RGS20: variants seen among roughly 807,000 people sequenced by gnomAD.
The protein encoded by RGS20 is regulator of G protein signaling 20.
Under a neutral mutation model 33.6 loss-of-function variants are expected in RGS20, and 30 were observed. That is an observed-to-expected ratio of 0.89 (90% CI 0.67 to 1.21). The LOEUF (loss-of-function observed/expected upper bound fraction) is 1.21, where lower values mean the gene tolerates loss of function less well. Ranked by LOEUF, RGS20 falls within the 50% of genes most tolerant of loss-of-function variation. RGS20 has a pLI of 0.00. For missense variants in RGS20, 472 were observed against 502.4 expected (o/e 0.94, Z 0.58); for synonymous variants, 208 against 197.9 (o/e 1.05, Z -0.43).
At chr8:53,954,516 T>C (rs1427062984) in intron 5 of RGS20, among the ~76,000 whole-genome samples, 1 of 151,092 alleles carries the variant, frequency 6.6e-6, no homozygotes, top group African/African-American at 2.4e-5. Context: ...ATACAAAAAT[T>C]AGCCTGGTGT....
chr8:53,931,241 TGTG>T (rs1324790616), intron 2 of RGS20, among the ~76,000 whole-genome samples: 1 of 152,128 alleles, frequency 6.6e-6, no homozygotes, highest in Non-Finnish European at 1.5e-5. Flanking sequence ...GGGTCTTTCT[TGTG>T]GTCCTGAAAC....
intron 1 of RGS20, among the ~76,000 whole-genome samples, chr8:53,866,271 T>C (rs754802647): frequency 4.6e-5 from 7 of 152,082 alleles, no homozygotes; most frequent in Non-Finnish European, 7.4e-5. Context: ...AGAGTACACA[T>C]CAGCAAATCG....
intron 2 of RGS20, among the ~76,000 whole-genome samples, chr8:53,903,722 A>G (rs1305625274): frequency 6.6e-6 from 1 of 152,104 alleles, no homozygotes; most frequent in Non-Finnish European, 1.5e-5. Flanking sequence ...ACTCACCCTA[A>G]AGCCAGGTCC....
intron 1 of RGS20, among the ~76,000 whole-genome samples, chr8:53,874,173 C>T (rs1483539): frequency 0.079 from 11,929 of 151,932 alleles, 999 homozygotes; most frequent in East Asian, 0.32. Flanking sequence ...AGCAAGACTC[C>T]GTCTCAGAAA....
At chr8:53,949,444 C>T (rs1023117320) in intron 4 of RGS20, among the ~76,000 whole-genome samples, 6 of 151,574 alleles carry the variant, frequency 4.0e-5, no homozygotes, top group African/African-American at 9.7e-5. Context: ...TGGGTGGGCA[C>T]GGTGGCTCAC....
At chr8:53,937,143 G>C (rs1814157880) in intron 2 of RGS20, among the ~76,000 whole-genome samples, 1 of 152,122 alleles carries the variant, frequency 6.6e-6, no homozygotes, top group South Asian at 2.1e-4. Context: ...GCCTGTCGTG[G>C]AGTTGGGGGG....
chr8:53,897,421 A>G (rs185193767), intron 2 of RGS20, among the ~76,000 whole-genome samples: 63 of 152,328 alleles, frequency 4.1e-4, no homozygotes, highest in Non-Finnish European at 8.2e-4. Context: ...TTTAGGGGCA[A>G]TGGTAGGAAG....
At chr8:53,861,843 C>T (rs1811814820) in intron 1 of RGS20, among the ~76,000 whole-genome samples, 1 of 152,162 alleles carries the variant, frequency 6.6e-6, no homozygotes, top group Admixed American at 6.5e-5. Flanking sequence ...AATACCTGCA[C>T]CTGATTATTT....
chr8:53,861,975 C>G (rs905456432), intron 1 of RGS20, among the ~76,000 whole-genome samples: 1 of 152,166 alleles, frequency 6.6e-6, no homozygotes, highest in Non-Finnish European at 1.5e-5. Context: ...TTTGGGGGGG[C>G]CAACCATTGC....
chr8:53,933,846 G>A (rs1189632335), intron 2 of RGS20: 1 of 152,106 alleles, frequency 6.6e-6, no homozygotes, highest in Middle Eastern at 3.1e-3. Context: ...AAATGTTAAG[G>A]GCAGCCAGAG....
intron 1 of RGS20, among the ~76,000 whole-genome samples, chr8:53,859,819 A>C (rs1811770011): frequency 6.6e-6 from 1 of 152,156 alleles, no homozygotes; most frequent in Non-Finnish European, 1.5e-5. Context: ...GTGCAGGGGG[A>C]CTGCCCTTTA....
At chr8:53,949,364 T>C (rs1814646138) in intron 4 of RGS20, among the ~76,000 whole-genome samples, 1 of 148,944 alleles carries the variant, frequency 6.7e-6, no homozygotes, top group Non-Finnish European at 1.5e-5. Flanking sequence ...CATTTGAAAA[T>C]ATATATCCTT....
At chr8:53,897,668 G>A (rs770867369) in intron 2 of RGS20, among the ~76,000 whole-genome samples, 16 of 151,702 alleles carry the variant, frequency 1.1e-4, no homozygotes, top group African/African-American at 1.7e-4. Context: ...TTTTTCATAC[G>A]CCAACTTGAA....
chr8:53,920,056 G>A (rs1813599021), intron 2 of RGS20, among the ~76,000 whole-genome samples: 1 of 151,956 alleles, frequency 6.6e-6, no homozygotes, highest in African/African-American at 2.4e-5. Flanking sequence ...TGTACTTTTA[G>A]TAGAGAAGGT....
chr8:53,949,589 G>A (rs1476365794), intron 4 of RGS20, among the ~76,000 whole-genome samples: 3 of 151,030 alleles, frequency 2.0e-5, no homozygotes, highest in Non-Finnish European at 4.4e-5. Context: ...GGTGGCAAAC[G>A]CCTGTAATCC....
At chr8:53,904,432 A>G (rs1235021834) in intron 2 of RGS20, among the ~76,000 whole-genome samples, 1 of 152,192 alleles carries the variant, frequency 6.6e-6, no homozygotes, top group Non-Finnish European at 1.5e-5. Context: ...ACACCTGGCC[A>G]CAACTTTGAT....
intron 2 of RGS20, among the ~76,000 whole-genome samples, chr8:53,880,477 C>T (rs943651213): frequency 1.3e-5 from 2 of 152,024 alleles, no homozygotes; most frequent in African/African-American, 2.4e-5. Flanking sequence ...CCTCCAGAGA[C>T]GCGCAGTCCA....
chr8:53,881,041 C>A (rs748847309), intron 2 of RGS20: 2 of 1,570,524 alleles, frequency 1.3e-6, no homozygotes, highest in East Asian at 2.3e-5. Flanking sequence ...GGAGGCGAGC[C>A]GGCCGGGGCT....
chr8:53,861,427 T>C (rs951921648), intron 1 of RGS20, among the ~76,000 whole-genome samples: 13 of 152,216 alleles, frequency 8.5e-5, no homozygotes, highest in African/African-American at 2.7e-4. Context: ...CAACAAAATA[T>C]ATAGATTGTG....
Sources: gnomAD v4.1 joint callset for allele counts (sites outside exome capture counted in the v4.1 genomes callset) on GRCh38, gnomAD v4.1.1 for gene constraint, MANE v1.5 for transcripts, NCBI Gene and HGNC (gene_info 2026-07-23, HGNC 2026-07-21) for gene names.